The following DENND5B variants were observed in gnomAD, a reference collection of about 807,000 sequenced individuals.
DENND5B encodes the protein DENN domain containing 5B.
Under a neutral mutation model 140.6 loss-of-function variants are expected in DENND5B, and 34 were observed. The observed-to-expected ratio is 0.24, with a 90% CI of 0.18 to 0.32. DENND5B has a LOEUF of 0.32. Among genes scored for constraint, DENND5B ranks in the 10% least tolerant of loss-of-function variants. The pLI is 1.00. For missense variants in DENND5B, 1,142 were observed against 1,560.2 expected (o/e 0.73, Z 4.52); for synonymous variants, 551 against 562.1 (o/e 0.98, Z 0.28).
rs145505777 is a variant in DENND5B at position 31,420,647 on chromosome 12, T to C, written c.2470+2950A>G. On this transcript the variant is annotated intron_variant, in intron 11 of 20. Transcript: ENST00000389082. The stretch of plus-strand genomic sequence containing the variant: ...TTAGTAGAGACGGGGTTTCACCATG[T>C]TGGCCAGGCTGGTGTTGAACTTCTG... 4.9e-3 allele frequency among the ~76,000 whole-genome samples: 746 copies of C among 152,260 alleles called. 5 individuals are homozygous for C. Among genetic ancestry groups the C allele is most frequent in the Non-Finnish European group, 8.2e-3 (559 of 68,028 alleles).
At chr12:31,387,890 A>G in intron 20 of DENND5B, 104 bp from the exon 21 acceptor site, 1 of 1,181,698 alleles carries the variant, frequency 8.5e-7, no homozygotes. Context: ...ACTTGATGGT[A>G]CAAAATGTAT....
At chr12:31,476,901 G>T (rs1183949665) in intron 3 of DENND5B, among the ~76,000 whole-genome samples, 1 of 152,104 alleles carries the variant, frequency 6.6e-6, no homozygotes, top group Non-Finnish European at 1.5e-5. Flanking sequence ...CAAGAAAATG[G>T]CCTTTAAGAT....
chr12:31,456,329 C>CAAAAA (rs56369582), intron 4 of DENND5B, among the ~76,000 whole-genome samples: 16 of 121,638 alleles, frequency 1.3e-4, no homozygotes, highest in African/African-American at 5.0e-4. Context: ...GACTCCGTCT[C>CAAAAA]AAAAAAAAAA....
intron 3 of DENND5B, among the ~76,000 whole-genome samples, chr12:31,471,125 G>C (rs1945536909): frequency 6.6e-6 from 1 of 152,204 alleles, no homozygotes; most frequent in Non-Finnish European, 1.5e-5. Context: ...ACCAAGCTCA[G>C]ATTTCTGCTG....
At chr12:31,437,523 T>C (rs899484947) in intron 7 of DENND5B, among the ~76,000 whole-genome samples, 2 of 152,222 alleles carry the variant, frequency 1.3e-5, no homozygotes, top group Non-Finnish European at 2.9e-5. Context: ...CATATAGATA[T>C]GTAATAACAA....
intron 1 of DENND5B, among the ~76,000 whole-genome samples, chr12:31,531,779 G>T (rs528395116): frequency 1.3e-5 from 2 of 152,070 alleles, no homozygotes; most frequent in African/African-American, 4.8e-5. Flanking sequence ...TCCTTGATCC[G>T]CCCAGCAGAA....
intron 5 of DENND5B, among the ~76,000 whole-genome samples, 157 bp from the exon 6 acceptor site, chr12:31,447,926 C>T (rs942611919): frequency 6.6e-6 from 1 of 152,080 alleles, no homozygotes; most frequent in Non-Finnish European, 1.5e-5. Context: ...CTTTTCTTTC[C>T]ATTTTCCTAA....
At chr12:31,543,739 G>A (rs1216930188) in intron 1 of DENND5B, among the ~76,000 whole-genome samples, 1 of 152,200 alleles carries the variant, frequency 6.6e-6, no homozygotes, top group Non-Finnish European at 1.5e-5. Flanking sequence ...AATAAACACA[G>A]ACTGGAACAT....
intron 1 of DENND5B, among the ~76,000 whole-genome samples, chr12:31,544,576 T>C (rs1276425919): frequency 6.6e-6 from 1 of 152,138 alleles, no homozygotes; most frequent in African/African-American, 2.4e-5. Context: ...TGAACCACCA[T>C]GCCCAGCCAA....
intron 3 of DENND5B, among the ~76,000 whole-genome samples, chr12:31,479,022 A>ACAC (rs1945951737): frequency 6.7e-6 from 1 of 149,000 alleles, no homozygotes; most frequent in African/African-American, 2.6e-5. Flanking sequence ...CACACACACA[A>ACAC]CTCTGGCAGA....
chr12:31,387,796 CA>C lies in DENND5B; in HGVS notation c.3642-11del. ...TGGGAGCAGGCGATCCCTACAGACC[CA>C]AACAGAAACAATTCCTGAGCATTGC... is the stretch of plus-strand genomic sequence containing the variant. On this transcript the variant is annotated splice_polypyrimidine_tract_variant and intron_variant, in intron 20 of 20. Coordinates refer to ENST00000389082, the MANE Select transcript of DENND5B (RefSeq NM_144973.4). 2 of 1,609,094 alleles carry C rather than the reference CA, an allele frequency of 1.2e-6. No individual in the cohort carries two copies. The highest frequency in any genetic ancestry group is 1.7e-6 in the Non-Finnish European group (2 of 1,177,106).
intron 3 of DENND5B, among the ~76,000 whole-genome samples, chr12:31,475,721 C>T (rs1945775392): frequency 6.6e-6 from 1 of 152,068 alleles, no homozygotes; most frequent in African/African-American, 2.4e-5. Context: ...TGCATTCCAG[C>T]CTGGGCACCA....
intron 17 of DENND5B, among the ~76,000 whole-genome samples, chr12:31,395,890 C>G (rs1383037847): frequency 8.4e-6 from 1 of 119,372 alleles, no homozygotes; most frequent in African/African-American, 3.3e-5. Context: ...GCTTGAGTGA[C>G]AGAAATACAT....
chr12:31,448,997 A>T (rs1204373800), intron 5 of DENND5B, among the ~76,000 whole-genome samples: 2 of 152,160 alleles, frequency 1.3e-5, no homozygotes, highest in Non-Finnish European at 2.9e-5. Context: ...GTTCCTAATT[A>T]AAAGTGTCAT....
chr12:31,483,040 A>G (rs1396102163), intron 2 of DENND5B, among the ~76,000 whole-genome samples: 2 of 152,212 alleles, frequency 1.3e-5, no homozygotes, highest in African/African-American at 4.8e-5. Flanking sequence ...TTCTATGAAC[A>G]CACCCCGCGT....
At position 31,387,426 on chromosome 12, in the gene DENND5B, C is replaced by T. The variant is rs1745042619; in HGVS notation, c.*177G>A. 1.8e-6 allele frequency: 1 copy of T among 558,822 alleles called. No individual in the cohort carries two copies. The highest frequency in any genetic ancestry group is 3.1e-6 in the Non-Finnish European group (1 of 322,620). 34.6% of individuals were successfully genotyped at this position (558,822 alleles called of 1,614,324 possible). On this transcript the variant is annotated 3_prime_UTR_variant, in exon 21 of 21. Coordinates refer to ENST00000389082, the MANE Select transcript of DENND5B (RefSeq NM_144973.4). ...AAAATACTCTATTTTATACTAAATT[C>T]CAGGTTCAAATGAACTACAATACAA...
chr12:31,531,223 G>A (rs914063178), intron 1 of DENND5B, among the ~76,000 whole-genome samples: 18 of 150,694 alleles, frequency 1.2e-4, no homozygotes, highest in African/African-American at 3.7e-4. Flanking sequence ...ACTTTGAGAC[G>A]GAGTCTCGCT....
intron 1 of DENND5B, among the ~76,000 whole-genome samples, chr12:31,523,630 A>C (rs1947983588): frequency 6.6e-6 from 1 of 152,162 alleles, no homozygotes; most frequent in South Asian, 2.1e-4. Context: ...GTCGTACAAC[A>C]CTGTGAATGT....
At chr12:31,558,409 T>A (rs1949367194) in intron 1 of DENND5B, among the ~76,000 whole-genome samples, 1 of 152,066 alleles carries the variant, frequency 6.6e-6, no homozygotes, top group Non-Finnish European at 1.5e-5. Flanking sequence ...ATAAGAGAAA[T>A]GGTTCTCACC....
Sources: gnomAD v4.1 joint callset for allele counts (sites outside exome capture counted in the v4.1 genomes callset) on GRCh38, gnomAD v4.1.1 for gene constraint, MANE v1.5 for transcripts, NCBI Gene and HGNC (gene_info 2026-07-23, HGNC 2026-07-21) for gene names.